FMN1: variants seen among roughly 807,000 people sequenced by gnomAD.
FMN1 encodes formin-1.
In FMN1, 110 loss-of-function variants were observed where a neutral mutation model predicts 132.4. The observed-to-expected ratio is 0.83, with a 90% CI of 0.71 to 0.97. The LOEUF (loss-of-function observed/expected upper bound fraction) is 0.97, where lower values mean the gene tolerates loss of function less well. Ranked by LOEUF, FMN1 falls within the 50% of genes least tolerant of loss-of-function variation. The pLI is 0.00. For missense variants in FMN1, 1,792 were observed against 1,705.3 expected, an observed-to-expected ratio of 1.05 and a Z score of -0.90; for synonymous variants, 722 against 651.7, an observed-to-expected ratio of 1.11 and a Z score of -1.64.
chr15:32,937,481 G>A (rs552161287), intron 9 of FMN1, among the ~76,000 whole-genome samples: 32 of 152,300 alleles, frequency 2.1e-4, no homozygotes, highest in African/African-American at 6.7e-4. Flanking sequence ...GAACTGGCCC[G>A]TGTATTATTA....
rs868805688 is a variant in FMN1 at position 33,086,634 on chromosome 15, A to G, written c.2043+2165T>C. 1.7e-4 allele frequency among the ~76,000 whole-genome samples: 26 copies of G among 152,364 alleles called. 1 individual carries two copies. Among genetic ancestry groups the G allele is most frequent in the Middle Eastern group, 3.4e-3 (1 of 294 alleles). ...TTTCAAAATCTACTTCAGCACTTTTACACTGTAGGCCTGCTGTTTGCGGCA... is the reference window on the plus strand; with the variant it reads ...TTTCAAAATCTACTTCAGCACTTTTGCACTGTAGGCCTGCTGTTTGCGGCA... On this transcript the variant is annotated intron_variant, in intron 5 of 20. Coordinates refer to ENST00000616417, the MANE Select transcript of FMN1 (RefSeq NM_001277313.2).
intron 15 of FMN1, among the ~76,000 whole-genome samples, chr15:32,898,238 A>G (rs1480453301): frequency 2.6e-5 from 4 of 152,350 alleles, no homozygotes; most frequent in South Asian, 2.1e-4. Flanking sequence ...ATCGATTGCT[A>G]TATTTCTTAA....
intron 17 of FMN1, among the ~76,000 whole-genome samples, chr15:32,817,125 C>A (rs529578669): frequency 1.3e-5 from 2 of 152,186 alleles, no homozygotes; most frequent in Non-Finnish European, 2.9e-5. Context: ...AAACCTCTGA[C>A]ATCTGTGTAG....
chr15:33,061,079 G>A (rs1284689044), intron 6 of FMN1, among the ~76,000 whole-genome samples: 3 of 152,216 alleles, frequency 2.0e-5, no homozygotes, highest in African/African-American at 7.2e-5. Flanking sequence ...TGGCTGTGGG[G>A]TGGGGTAGAG....
At chr15:32,888,355 C>A in intron 15 of FMN1, 63 bp from the exon 16 acceptor site, 8 of 1,414,498 alleles carry the variant, frequency 5.7e-6, no homozygotes, top group South Asian at 3.0e-5. Context: ...GTTGAAATTC[C>A]AAAGCATCAA....
chr15:32,915,072 T>A (rs530650346), intron 10 of FMN1, among the ~76,000 whole-genome samples: 1 of 152,360 alleles, frequency 6.6e-6, no homozygotes, highest in East Asian at 1.9e-4. Context: ...AGATTGATAC[T>A]GAGCCTAGAA....
chr15:33,114,347 T>C (rs1038034461), intron 4 of FMN1, among the ~76,000 whole-genome samples: 1 of 152,182 alleles, frequency 6.6e-6, no homozygotes, highest in Admixed American at 6.5e-5. Context: ...TAAGAAGAAA[T>C]AATTGGCCTC....
intron 4 of FMN1, among the ~76,000 whole-genome samples, chr15:33,102,132 T>C (rs1046149253): frequency 5.9e-5 from 9 of 152,172 alleles, no homozygotes; most frequent in African/African-American, 1.7e-4. Flanking sequence ...CGCTCCGTTA[T>C]GTGCTAATTT....
chr15:32,998,355 A>G (rs1278691144), intron 7 of FMN1, among the ~76,000 whole-genome samples: 2 of 152,224 alleles, frequency 1.3e-5, no homozygotes, highest in Non-Finnish European at 2.9e-5. Flanking sequence ...TCTAGGTAAC[A>G]TGGGAAAAGA....
chr15:33,112,258 G>C (rs550599004), intron 4 of FMN1, among the ~76,000 whole-genome samples: 1 of 151,344 alleles, frequency 6.6e-6, no homozygotes, highest in South Asian at 2.1e-4. Context: ...ATAAACATTA[G>C]AAGTTTGAAA....
rs775665942 is a variant in FMN1 at position 33,153,218 on chromosome 15, A to C, written c.1697T>G (p.Val566Gly). Residue 566 changes from valine to glycine, a missense_variant, in exon 4 of 21, where the codon GTC becomes GGC. Val to Gly is a moderately radical substitution (Grantham distance 109). Around this residue, in one of 3 missense-constraint regions of FMN1, gnomAD observed 1,150 missense variants for 1,043.1 expected, o/e 1.10. Coordinates refer to ENST00000616417, the MANE Select transcript of FMN1 (RefSeq NM_001277313.2). ...CRKSRVFSGC[V>G]SADTLEPPSS... is the part of the protein sequence containing the mutation. ...TGGTGGCTCCAAGGTGTCAGCAGAG[A>C]CGCACCCAGAGAAGACACGGCTCTT... 2.6e-5 allele frequency: 40 copies of C among 1,535,898 alleles called. No individual in the cohort carries two copies. The highest frequency in any genetic ancestry group is 3.5e-5 in the Non-Finnish European group (40 of 1,146,894).
chr15:32,920,332 A>T (rs573319625), intron 10 of FMN1, among the ~76,000 whole-genome samples: 10 of 152,290 alleles, frequency 6.6e-5, no homozygotes, highest in African/African-American at 2.4e-4. Flanking sequence ...TAGATTACTT[A>T]TTCAGAGTCT....
intron 4 of FMN1, among the ~76,000 whole-genome samples, chr15:33,112,043 G>C (rs1225173606): frequency 6.6e-6 from 1 of 152,104 alleles, no homozygotes; most frequent in Non-Finnish European, 1.5e-5. Flanking sequence ...AAGAACTGTA[G>C]TGTTAACAAA....
At chr15:33,066,882 G>C (rs2037756016) in intron 5 of FMN1, 2 of 1,613,846 alleles carry the variant, frequency 1.2e-6, no homozygotes, top group Admixed American at 3.3e-5. Flanking sequence ...GTGGCCTTCG[G>C]ATCAGTTGCT....
intron 16 of FMN1, among the ~76,000 whole-genome samples, 156 bp downstream of exon 16, chr15:32,888,016 A>T (rs1412097551): frequency 6.6e-6 from 1 of 152,238 alleles, no homozygotes; most frequent in African/African-American, 2.4e-5. Flanking sequence ...GCCTCTACAC[A>T]CTGTGTAGAG....
intron 8 of FMN1, among the ~76,000 whole-genome samples, chr15:32,967,025 G>C (rs1010953645): frequency 2.6e-5 from 4 of 152,200 alleles, no homozygotes; most frequent in African/African-American, 9.7e-5. Context: ...GCAGCCCCCC[G>C]TGTTATGTTT....
intron 7 of FMN1, among the ~76,000 whole-genome samples, chr15:32,982,901 G>C (rs1041497425): frequency 3.3e-5 from 5 of 152,004 alleles, no homozygotes; most frequent in Non-Finnish European, 7.4e-5. Context: ...TAGATCTCCA[G>C]TTTACCCTGC....
chr15:32,789,747 A>G (rs191070002), intron 19 of FMN1, among the ~76,000 whole-genome samples: 12 of 152,260 alleles, frequency 7.9e-5, no homozygotes, highest in African/African-American at 1.9e-4. Context: ...ACCTCCATTC[A>G]TGGTTAAGCG....
intron 8 of FMN1, among the ~76,000 whole-genome samples, chr15:32,965,986 C>T (rs77029154): frequency 7.2e-5 from 11 of 151,982 alleles, no homozygotes; most frequent in South Asian, 6.3e-4. Context: ...CTGGGGGAGA[C>T]GGGGGAGAAG....
Sources: gnomAD v4.1 joint callset for allele counts (sites outside exome capture counted in the v4.1 genomes callset) on GRCh38, gnomAD v4.1.1 for gene constraint, gnomAD v4.1.1 regional missense constraint, MANE v1.5 for transcripts, NCBI Gene and HGNC (gene_info 2026-07-23, HGNC 2026-07-21) for gene names.